Variants in SDHAF3 observed in about 807,000 individuals in gnomAD.
SDHAF3 encodes the protein succinate dehydrogenase complex assembly factor 3.
Under a neutral mutation model 11.5 loss-of-function variants are expected in SDHAF3, and 18 were observed. The observed-to-expected ratio is 1.56, with a 90% confidence interval of 1.08 to 2.32. The LOEUF is 2.32. Ranked by LOEUF, SDHAF3 falls within the 30% of genes most tolerant of loss-of-function variation. The pLI, the probability that SDHAF3 is intolerant of heterozygous loss-of-function variation, is 0.00. For missense variants in SDHAF3, 200 were observed against 154.4 expected, an observed-to-expected ratio of 1.30 and a Z score of -1.57; for synonymous variants, 72 against 59.3, an observed-to-expected ratio of 1.21 and a Z score of -0.99.
In SDHAF3 at chr7:97,117,782, A is replaced by T. The variant is rs758025027; in HGVS notation, c.59A>T (p.His20Leu). Residue 20 changes from histidine (H) to leucine (L), a missense_variant, in exon 1 of 2, where the codon CAC becomes CTC. Coordinates refer to ENST00000432641, the MANE Select transcript of SDHAF3 (RefSeq NM_020186.3). The part of the protein sequence containing the change: ...RALYKRVLQL[H>L]RVLPPDLKSL... ...TTGTACAAGCGCGTCTTGCAGCTGC[A>T]CCGTGTTCTGCCCCCGGACCTCAAA... The T allele has an allele frequency of 6.2e-7, 1 of 1,614,162 alleles. No homozygotes were observed. Among genetic ancestry groups the T allele is most frequent in the Non-Finnish European group, 8.5e-7 (1 of 1,180,022 alleles).
At position 97,137,729 on chromosome 7, in the gene SDHAF3, C is replaced by T. The variant is rs114930229; in HGVS notation, c.174+19832C>T. 1.0e-3 allele frequency among the ~76,000 whole-genome samples: 155 copies of T among 152,168 alleles called. 1 individual carries two copies. The highest frequency in any genetic ancestry group is 3.6e-3 in the African/African-American group (149 of 41,512). Reference sequence around the variant, plus strand: ...GTTGTGAATGCTGGTCTTTTGGCAGCGTGACAGTGATTTGGAGTATGAGTA... The same window carrying T: ...GTTGTGAATGCTGGTCTTTTGGCAGTGTGACAGTGATTTGGAGTATGAGTA... On this transcript the variant is annotated intron_variant, in intron 1 of 1. Transcript: ENST00000432641.
At chr7:97,126,018 T>C (rs1791567885) in intron 1 of SDHAF3, among the ~76,000 whole-genome samples, 1 of 152,236 alleles carries the variant, frequency 6.6e-6, no homozygotes, top group Non-Finnish European at 1.5e-5. Context: ...TTGCTGTTCA[T>C]GTTGCTGCTT....
rs1791426666 is a variant in SDHAF3, at chr7:97,117,768, C to T, written c.45C>T (p.Arg15=). 1.2e-6 allele frequency: 2 copies of T among 1,614,040 alleles called. No homozygotes were observed. Among genetic ancestry groups the T allele is most frequent in the African/African-American group, 1.3e-5 (1 of 74,910 alleles). The change falls in exon 1 of 2, where the codon CGC becomes CGT. Residue 15 remains arginine (R), a synonymous_variant. Coordinates refer to ENST00000432641, the MANE Select transcript of SDHAF3 (RefSeq NM_020186.3). The part of the protein sequence containing the change: ...HVSRVRALYK[R]VLQLHRVLPP... ...CTCGAGTCCGGGCATTGTACAAGCG[C>T]GTCTTGCAGCTGCACCGTGTTCTGC...
chr7:97,132,534 GT>G (rs1241873551), intron 1 of SDHAF3, among the ~76,000 whole-genome samples: 2 of 152,092 alleles, frequency 1.3e-5, no homozygotes, highest in Non-Finnish European at 2.9e-5. Flanking sequence ...ATAATCTTAT[GT>G]TTAATTTCTT....
intron 1 of SDHAF3, among the ~76,000 whole-genome samples, chr7:97,173,695 G>A (rs1045474921): frequency 2.6e-5 from 4 of 151,556 alleles, no homozygotes; most frequent in Non-Finnish European, 4.4e-5. Flanking sequence ...TGGGACTACA[G>A]GCGCCCACCA....
chr7:97,123,574 G>C (rs1791531548), intron 1 of SDHAF3, among the ~76,000 whole-genome samples: 1 of 152,138 alleles, frequency 6.6e-6, no homozygotes, highest in Non-Finnish European at 1.5e-5. Context: ...TTGCCACACT[G>C]TCTTCCACAA....
At chr7:97,158,659 G>C (rs1018487016) in intron 1 of SDHAF3, among the ~76,000 whole-genome samples, 5 of 152,100 alleles carry the variant, frequency 3.3e-5, no homozygotes, top group Non-Finnish European at 7.4e-5. Flanking sequence ...CTTTGAAATG[G>C]AAAGATGCAT....
At chr7:97,154,586 C>T (rs1477359342) in intron 1 of SDHAF3, among the ~76,000 whole-genome samples, 1 of 151,588 alleles carries the variant, frequency 6.6e-6, no homozygotes, top group Admixed American at 6.6e-5. Context: ...GTTTTTTTAT[C>T]CTTTTAACAC....
intron 1 of SDHAF3, among the ~76,000 whole-genome samples, chr7:97,161,120 A>T (rs1305755885): frequency 6.6e-6 from 1 of 152,156 alleles, no homozygotes; most frequent in Non-Finnish European, 1.5e-5. Flanking sequence ...CTGGGTCCCA[A>T]TCAGCCACTC....
chr7:97,172,450 C>T (rs774786777), intron 1 of SDHAF3, among the ~76,000 whole-genome samples: 9 of 152,154 alleles, frequency 5.9e-5, no homozygotes, highest in African/African-American at 9.7e-5. Flanking sequence ...TCTTGTCTTT[C>T]TGTGACTCTT....
intron 1 of SDHAF3, among the ~76,000 whole-genome samples, chr7:97,178,811 G>A (rs1789728252): frequency 6.6e-6 from 1 of 152,038 alleles, no homozygotes; most frequent in Admixed American, 6.6e-5. Flanking sequence ...TTACTATTAG[G>A]TGTCCTTTGA....
intron 1 of SDHAF3, among the ~76,000 whole-genome samples, chr7:97,121,185 C>A (rs957818850): frequency 6.6e-6 from 1 of 152,152 alleles, no homozygotes; most frequent in Admixed American, 6.5e-5. Context: ...GGGGGTCTTA[C>A]TACGGCATTT....
intron 1 of SDHAF3, 143 bp downstream of exon 1, chr7:97,118,040 T>C: frequency 2.0e-6 from 2 of 1,016,872 alleles, no homozygotes; most frequent in Non-Finnish European, 2.8e-6. Flanking sequence ...GGTAACACTT[T>C]CCAAAGTTTC....
intron 1 of SDHAF3, among the ~76,000 whole-genome samples, chr7:97,160,457 G>A (rs1789389825): frequency 6.6e-6 from 1 of 151,882 alleles, no homozygotes; most frequent in South Asian, 2.1e-4. Context: ...TTGTCAAAAA[G>A]AAAAGGGGGA....
At chr7:97,118,691 A>G (rs951311201) in intron 1 of SDHAF3, among the ~76,000 whole-genome samples, 6 of 152,148 alleles carry the variant, frequency 3.9e-5, no homozygotes, top group Non-Finnish European at 2.9e-5. Context: ...CAGCTCAGAT[A>G]TTTGAAAGCA....
rs770596254 is a variant in SDHAF3, at chr7:97,181,015, TATGCAACAGCGTTA to T, written c.179_192del (p.Tyr60PhefsTer5). On this transcript the variant is annotated frameshift_variant, in exon 2 of 2. Coordinates refer to ENST00000432641, the MANE Select transcript of SDHAF3 (RefSeq NM_020186.3). LOFTEE classifies it high-confidence loss of function. ...CCTTCATTCTTTATCTTTTTAGGTG[TATGCAACAGCGTTA>T]TTGCAACAGGCTAACGAAAACAGAC... is the stretch of plus-strand genomic sequence containing the variant. The T allele has an allele frequency of 6.2e-6, 10 of 1,612,334 alleles. No individual in the cohort carries two copies. In the African/African-American group the frequency reaches 1.3e-4, roughly 22 times the overall value.
At chr7:97,141,218 C>T (rs913607334) in intron 1 of SDHAF3, among the ~76,000 whole-genome samples, 12 of 152,130 alleles carry the variant, frequency 7.9e-5, no homozygotes, top group South Asian at 4.1e-4. Context: ...AATGACAATG[C>T]GTGCCGGAAA....
At chr7:97,155,698 A>T (rs1353518314) in intron 1 of SDHAF3, among the ~76,000 whole-genome samples, 2 of 152,164 alleles carry the variant, frequency 1.3e-5, no homozygotes, top group African/African-American at 4.8e-5. Flanking sequence ...GTGTATATAC[A>T]ATAAGTAACT....
chr7:97,121,846 T>G (rs1335590230), intron 1 of SDHAF3, among the ~76,000 whole-genome samples: 3 of 123,558 alleles, frequency 2.4e-5, no homozygotes, highest in Non-Finnish European at 4.9e-5. Context: ...TTTTGGTTTT[T>G]TTTTTTTGTT....
Sources: allele counts gnomAD v4.1 joint callset (sites outside exome capture counted in the v4.1 genomes callset), GRCh38; gene constraint gnomAD v4.1.1; transcripts MANE v1.5; gene names NCBI Gene and HGNC (gene_info 2026-07-23, HGNC 2026-07-21).